Variants in DPH6 observed in about 807,000 individuals in gnomAD.
The protein encoded by DPH6 is diphthine--ammonia ligase.
A neutral mutation model predicts 38.2 loss-of-function variants in DPH6; 33 were observed. The ratio of observed to expected loss-of-function variants is 0.86; its 90% CI spans 0.65 to 1.15. The LOEUF is 1.15. Ranked by LOEUF, DPH6 falls within the 50% of genes most tolerant of loss-of-function variation. DPH6 has a pLI of 0.00. For missense variants in DPH6, 325 were observed against 320.0 expected (o/e 1.02, Z -0.12); for synonymous variants, 108 against 103.0 (o/e 1.05, Z -0.30).
In DPH6 at chr15:35,302,660, T is replaced by C. The variant is rs1038388164; in HGVS notation, n.200+70861A>G. Among the ~76,000 whole-genome samples, 11 of 152,204 alleles carry C rather than the reference T, an allele frequency of 7.2e-5. No homozygotes were observed. The East Asian group carries it at 1.2e-3, about 16-fold the overall frequency. On this transcript the variant is annotated intron_variant and non_coding_transcript_variant, in intron 3 of 3. Transcript: ENST00000560386. ...TTTTTATGGGATTAATTCTGTGGTA[T>C]AAAAAATGAAGTTAAATGTCCTAAT...
chr15:35,425,282 A>G (rs2141020731), intron 5 of DPH6, among the ~76,000 whole-genome samples: 1 of 151,688 alleles, frequency 6.6e-6, no homozygotes, highest in African/African-American at 2.4e-5. Flanking sequence ...CCATTAAATA[A>G]TCTGACTACT....
intron 3 of DPH6, among the ~76,000 whole-genome samples, chr15:35,312,735 T>A (rs2052154622): frequency 6.6e-6 from 1 of 152,246 alleles, no homozygotes; most frequent in African/African-American, 2.4e-5. Context: ...TTCTTTTGCA[T>A]ATAGTTATCT....
rs942568561 is a variant in DPH6 at position 35,529,463 on chromosome 15, A to G, written c.312+8811T>C. 8.5e-5 allele frequency among the ~76,000 whole-genome samples: 13 copies of G among 152,250 alleles called. 1 individual carries two copies. The highest frequency in any genetic ancestry group is 5.8e-4 in the East Asian group (3 of 5,178). On this transcript the variant is annotated intron_variant, in intron 3 of 8. Transcript: ENST00000256538. Reference sequence around the variant, plus strand: ...CCAACACTGGGAATCACAACTTGACATGAGATATGGGTGGGGACACAGAGC... The same window carrying G: ...CCAACACTGGGAATCACAACTTGACGTGAGATATGGGTGGGGACACAGAGC...
At chr15:35,386,973 AG>A (rs2052969792) in intron 6 of DPH6, among the ~76,000 whole-genome samples, 1 of 152,186 alleles carries the variant, frequency 6.6e-6, no homozygotes, top group Non-Finnish European at 1.5e-5. Flanking sequence ...TTATGATTTT[AG>A]GTCTAACATG....
At chr15:35,531,742 T>A (rs1019075878) in intron 3 of DPH6, among the ~76,000 whole-genome samples, 1 of 152,190 alleles carries the variant, frequency 6.6e-6, no homozygotes, top group Non-Finnish European at 1.5e-5. Flanking sequence ...GTGCTGATAT[T>A]ACAAGGCAGG....
the DPH6 span, among the ~76,000 whole-genome samples, chr15:35,152,521 T>G: frequency 6.6e-6 from 1 of 152,326 alleles, no homozygotes; most frequent in Non-Finnish European, 1.5e-5. Context: ...TTTTTTGAGA[T>G]GGAGTTCTGC....
At chr15:35,237,294 C>A in intron 3 of DPH6, 7 of 1,550,060 alleles carry the variant, frequency 4.5e-6, no homozygotes, top group South Asian at 4.5e-5. Flanking sequence ...TGAATTCCAG[C>A]GGCGCGGGAG....
At chr15:35,279,470 G>A (rs995768595) in intron 3 of DPH6, among the ~76,000 whole-genome samples, 2 of 152,124 alleles carry the variant, frequency 1.3e-5, no homozygotes, top group Non-Finnish European at 2.9e-5. Context: ...TGTTACAGGA[G>A]GGGCCTGGTG....
downstream of DPH6, among the ~76,000 whole-genome samples, chr15:35,368,425 A>G (rs2052680297): frequency 6.6e-6 from 1 of 151,906 alleles, no homozygotes; most frequent in Admixed American, 6.6e-5. Context: ...AATTTTATTC[A>G]CTTAGAAAAT....
At chr15:35,281,665 C>T (rs1299566662) in intron 3 of DPH6, among the ~76,000 whole-genome samples, 1 of 152,168 alleles carries the variant, frequency 6.6e-6, no homozygotes, top group Non-Finnish European at 1.5e-5. Flanking sequence ...CATGAATTCC[C>T]AGGCTGGGGA....
At position 35,271,852 on chromosome 15, in the gene DPH6, G is replaced by A. The variant is rs576812278; in HGVS notation, n.201-51270C>T. Among the ~76,000 whole-genome samples, 104 of 152,290 alleles carry A rather than the reference G, an allele frequency of 6.8e-4. 2 individuals carry two copies. The highest frequency in any genetic ancestry group is 3.4e-3 in the Middle Eastern group (1 of 294). ...AGGGAGTCCTGTTGGCTTCAGCAGG[G>A]CAGTTTAGCTCAGTGTTCAAGGGCA... is the stretch of plus-strand genomic sequence containing the variant. On this transcript the variant is annotated intron_variant and non_coding_transcript_variant, in intron 3 of 3. Transcript: ENST00000560386.
At chr15:35,501,138 T>TC (rs2054621482) in intron 3 of DPH6, among the ~76,000 whole-genome samples, 1 of 152,218 alleles carries the variant, frequency 6.6e-6, no homozygotes, top group African/African-American at 2.4e-5. Context: ...CTTCCCTTTT[T>TC]CCCATCTCAT....
the DPH6 span, among the ~76,000 whole-genome samples, chr15:35,192,935 G>T: frequency 6.6e-6 from 1 of 152,112 alleles, no homozygotes; most frequent in African/African-American, 2.4e-5. Flanking sequence ...ATCTTGGAAG[G>T]GAAGGAAAGG....
the DPH6 span, among the ~76,000 whole-genome samples, chr15:35,147,871 T>C: frequency 6.6e-6 from 1 of 152,298 alleles, no homozygotes; most frequent in Non-Finnish European, 1.5e-5. Context: ...TTGATGCCTT[T>C]AAAAGTGGGA....
the DPH6 span, among the ~76,000 whole-genome samples, chr15:35,193,539 C>T: frequency 2.0e-5 from 3 of 151,958 alleles, no homozygotes; most frequent in Admixed American, 6.6e-5. Context: ...TGTTCACTGG[C>T]AGCGATAAAG....
intron 3 of DPH6, among the ~76,000 whole-genome samples, chr15:35,266,007 T>A (rs890835985): frequency 6.6e-6 from 1 of 152,194 alleles, no homozygotes; most frequent in African/African-American, 2.4e-5. Context: ...GGACACATGT[T>A]CTTACATGTG....
chr15:35,431,423 C>T (rs1197099538), intron 5 of DPH6, among the ~76,000 whole-genome samples: 2 of 151,886 alleles, frequency 1.3e-5, no homozygotes, highest in East Asian at 1.9e-4. Context: ...GCAAGGTTAA[C>T]GAGTGATTAA....
At chr15:35,520,471 C>A (rs1257755618) in intron 3 of DPH6, 4 of 983,976 alleles carry the variant, frequency 4.1e-6, no homozygotes, top group Non-Finnish European at 4.8e-6. Flanking sequence ...ATTTTCTATT[C>A]TCTCACATAA....
At chr15:35,434,560 T>C (rs1199956299) in intron 5 of DPH6, among the ~76,000 whole-genome samples, 1 of 152,144 alleles carries the variant, frequency 6.6e-6, no homozygotes, top group Non-Finnish European at 1.5e-5. Context: ...TAAAATCCAA[T>C]GTTACGCCAA....
Sources: allele counts gnomAD v4.1 joint callset (sites outside exome capture counted in the v4.1 genomes callset), GRCh38; gene constraint gnomAD v4.1.1; transcripts MANE v1.5; gene names NCBI Gene and HGNC (gene_info 2026-07-23, HGNC 2026-07-21).